Variants in CRPPA observed in about 807,000 individuals in gnomAD.
The protein encoded by CRPPA is D-ribitol-5-phosphate cytidylyltransferase.
CRPPA carries 43 observed loss-of-function variants against 52.0 expected under a neutral mutation model. That is an observed-to-expected ratio of 0.83 (90% confidence interval 0.65 to 1.07). CRPPA has a LOEUF of 1.07. CRPPA is among the 50% of genes least tolerant of loss of function. The pLI is 0.00. For missense variants in CRPPA, 629 were observed against 551.7 expected (o/e 1.14, Z -1.40); for synonymous variants, 250 against 203.5 (o/e 1.23, Z -1.94).
intron 3 of CRPPA, among the ~76,000 whole-genome samples, chr7:16,363,552 T>G (rs1583549710): frequency 6.6e-6 from 1 of 152,320 alleles, no homozygotes; most frequent in East Asian, 1.9e-4. Flanking sequence ...ATTTGATTTT[T>G]TTAGAGAAAT....
chr7:16,097,957 G>A (rs1781968165), intron 9 of CRPPA, among the ~76,000 whole-genome samples: 1 of 152,134 alleles, frequency 6.6e-6, no homozygotes, highest in Non-Finnish European at 1.5e-5. Flanking sequence ...CTTACTAACT[G>A]TCCCTTTCAA....
At chr7:16,357,330 C>G (rs1786327028) in intron 3 of CRPPA, among the ~76,000 whole-genome samples, 1 of 152,118 alleles carries the variant, frequency 6.6e-6, no homozygotes, top group African/African-American at 2.4e-5. Flanking sequence ...AGGTGCATAC[C>G]ACCATGCCTG....
At chr7:16,193,082 A>C (rs1236580616) in intron 9 of CRPPA, among the ~76,000 whole-genome samples, 4 of 152,158 alleles carry the variant, frequency 2.6e-5, no homozygotes, top group African/African-American at 9.6e-5. Context: ...ATTTTCAAAA[A>C]TAAATGCCTG....
chr7:16,195,982 G>A (rs1211359993), intron 9 of CRPPA, among the ~76,000 whole-genome samples: 2 of 152,094 alleles, frequency 1.3e-5, no homozygotes, highest in East Asian at 1.9e-4. Context: ...AAATAATCTG[G>A]AGATTAATAG....
intron 8 of CRPPA, among the ~76,000 whole-genome samples, chr7:16,230,956 C>A (rs773716164): frequency 6.6e-6 from 1 of 151,948 alleles, no homozygotes; most frequent in Non-Finnish European, 1.5e-5. Context: ...ATTGAGTTTA[C>A]CAAGAAAGAC....
chr7:16,239,334 G>C (rs1783041849), intron 8 of CRPPA, among the ~76,000 whole-genome samples: 1 of 151,504 alleles, frequency 6.6e-6, no homozygotes, highest in African/African-American at 2.4e-5. Flanking sequence ...CATTTTACAA[G>C]TTACATTTAT....
At chr7:16,342,799 C>CAGATATACATATATAGA (rs1230068209) in intron 3 of CRPPA, among the ~76,000 whole-genome samples, 1 of 104,466 alleles carries the variant, frequency 9.6e-6, no homozygotes, top group African/African-American at 3.8e-5. Flanking sequence ...ATATATATAT[C>CAGATATACATATATAGA]TATATAGATA....
chr7:16,096,026 G>A (rs1781928950), intron 9 of CRPPA, among the ~76,000 whole-genome samples: 1 of 152,086 alleles, frequency 6.6e-6, no homozygotes, highest in East Asian at 1.9e-4. Flanking sequence ...AACACCCATG[G>A]CTTTCAGCTG....
chr7:16,285,045 CAT>C (rs1023857157), intron 5 of CRPPA, among the ~76,000 whole-genome samples: 2 of 152,090 alleles, frequency 1.3e-5, no homozygotes, highest in African/African-American at 4.8e-5. Flanking sequence ...TCTTTCCAAA[CAT>C]ATGATTAATA....
chr7:16,385,911 C>T (rs531743110), intron 2 of CRPPA, among the ~76,000 whole-genome samples: 4 of 152,210 alleles, frequency 2.6e-5, no homozygotes, highest in East Asian at 1.9e-4. Context: ...GGGCTCCAGC[C>T]GCACAGTAGC....
At chr7:16,402,817 G>T (rs1186816163) in intron 2 of CRPPA, among the ~76,000 whole-genome samples, 2 of 152,006 alleles carry the variant, frequency 1.3e-5, no homozygotes, top group East Asian at 3.9e-4. Context: ...CATATATACA[G>T]TATACATAAG....
rs185720864 is a variant in CRPPA at position 16,227,782 on chromosome 7, C to A, written c.1120-11585G>T. 1.0e-3 allele frequency among the ~76,000 whole-genome samples: 153 copies of A among 151,892 alleles called. 1 individual carries two copies. The highest frequency in any genetic ancestry group is 3.5e-3 in the African/African-American group (144 of 41,500). On this transcript the variant is annotated intron_variant, in intron 8 of 9. Coordinates refer to ENST00000407010, the MANE Select transcript of CRPPA (RefSeq NM_001101426.4). ...AATTTGTCTATTTTTGCTTTCGTAG[C>A]CATTACTCTTGGAGTCATACTAATA...
At chr7:16,171,880 C>A (rs957983201) in intron 9 of CRPPA, among the ~76,000 whole-genome samples, 5 of 152,186 alleles carry the variant, frequency 3.3e-5, no homozygotes, top group Non-Finnish European at 7.3e-5. Flanking sequence ...TTAGCAGGTA[C>A]ACTTGCTCAC....
chr7:16,099,325 G>C (rs1199989730), intron 9 of CRPPA, among the ~76,000 whole-genome samples: 1 of 147,296 alleles, frequency 6.8e-6, no homozygotes, highest in Non-Finnish European at 1.5e-5. Context: ...AAAAAACAAA[G>C]GAAAAAAGGG....
chr7:16,122,728 C>T (rs1782502257), intron 9 of CRPPA, among the ~76,000 whole-genome samples: 2 of 151,978 alleles, frequency 1.3e-5, no homozygotes. Flanking sequence ...ATTATTTATG[C>T]TATTATACTC....
At chr7:16,095,354 G>A (rs1175305616) in intron 9 of CRPPA, among the ~76,000 whole-genome samples, 1 of 152,058 alleles carries the variant, frequency 6.6e-6, no homozygotes, top group Non-Finnish European at 1.5e-5. Flanking sequence ...GCAAACAGCT[G>A]AAGTTGTACA....
chr7:16,161,945 T>A (rs1662491), intron 9 of CRPPA, among the ~76,000 whole-genome samples: 1 of 152,226 alleles, frequency 6.6e-6, no homozygotes, highest in Admixed American at 6.5e-5. Context: ...ATGTATCCGT[T>A]TCTTCTAGAC....
intron 5 of CRPPA, among the ~76,000 whole-genome samples, chr7:16,286,097 A>ATATAAATAT (rs1554309941): frequency 2.6e-5 from 1 of 39,130 alleles, no homozygotes; most frequent in Non-Finnish European, 4.1e-5. Flanking sequence ...TAAAAAAAAA[A>ATATAAATAT]ATATATATAT....
At chr7:16,144,872 A>G (rs1272500203) in intron 9 of CRPPA, among the ~76,000 whole-genome samples, 1 of 152,142 alleles carries the variant, frequency 6.6e-6, no homozygotes, top group Non-Finnish European at 1.5e-5. Context: ...TACCTGTGTC[A>G]GTGTACTTCT....
Sources: allele counts gnomAD v4.1 joint callset (sites outside exome capture counted in the v4.1 genomes callset), GRCh38; gene constraint gnomAD v4.1.1; transcripts MANE v1.5; gene names NCBI Gene and HGNC (gene_info 2026-07-23, HGNC 2026-07-21).